The following TBK1 variants were observed in gnomAD, a reference collection of about 807,000 sequenced individuals.
The protein encoded by TBK1 is serine/threonine-protein kinase TBK1.
In TBK1, 37 loss-of-function variants were observed where a neutral mutation model predicts 99.9. The ratio of observed to expected loss-of-function variants is 0.37; its 90% CI spans 0.28 to 0.49. The LOEUF (loss-of-function observed/expected upper bound fraction) is 0.49, where lower values mean the gene tolerates loss of function less well. TBK1 is among the 20% of genes least tolerant of loss of function. The pLI, the probability that TBK1 is intolerant of heterozygous loss-of-function variation, is 0.98. For synonymous variants in TBK1, 258 were observed against 279.8 expected, an observed-to-expected ratio of 0.92 and a Z score of 0.78; for missense variants, 644 against 872.5, an observed-to-expected ratio of 0.74 and a Z score of 3.30.
chr12:64,470,472 A>G (rs1453930142), intron 5 of TBK1, among the ~76,000 whole-genome samples: 2 of 152,204 alleles, frequency 1.3e-5, no homozygotes, highest in African/African-American at 4.8e-5. Flanking sequence ...TCACATCACA[A>G]ATGGTAGTAT....
chr12:64,496,651 T>C (rs1233914758), intron 16 of TBK1, among the ~76,000 whole-genome samples: 1 of 152,192 alleles, frequency 6.6e-6, no homozygotes, highest in African/African-American at 2.4e-5. Context: ...AGCTTCTGCC[T>C]CATATGCTCT....
rs570187736 is a variant in TBK1 at position 64,455,353 on chromosome 12, A to G, written c.-31-487A>G. ...GTATGTATAGTGTATACTAACTTAC[A>G]GGGAAAAAATGTAAACAAAATGAAG... On this transcript the variant is annotated intron_variant, in intron 1 of 20. Transcript: ENST00000331710. 3.3e-5 allele frequency among the ~76,000 whole-genome samples: 5 copies of G among 152,318 alleles called. No homozygotes were observed. The East Asian group carries it at 9.6e-4, about 29-fold the overall frequency.
At chr12:64,485,385 T>A (rs11175411) in intron 9 of TBK1, 70 bp from the exon 10 acceptor site, 3 of 670,116 alleles carry the variant, frequency 4.5e-6, no homozygotes, top group East Asian at 6.3e-5. Context: ...ACATTGTGTT[T>A]GCTCTATAAA....
chr12:64,466,787 C>T (rs1399170770), intron 4 of TBK1, 114 bp from the exon 5 acceptor site: 2 of 756,582 alleles, frequency 2.6e-6, no homozygotes, highest in African/African-American at 3.7e-5. Context: ...TACTTTGAAC[C>T]AAATTATGGA....
chr12:64,491,359 A>G (rs544320715), intron 13 of TBK1, among the ~76,000 whole-genome samples: 35 of 152,138 alleles, frequency 2.3e-4, no homozygotes, highest in African/African-American at 8.4e-4. Flanking sequence ...GGTGGCTCAC[A>G]CCTCTAATCC....
In TBK1 at chr12:64,496,373, C is replaced by G. The variant is rs767446906; in HGVS notation, c.1727C>G (p.Ala576Gly). ...FKKDKAERRL[A>G]YNEEQIHKFD... ...TATATTTTCCTATTTCTAGGATTAGCTTATAATGAAGAACAAATCCACAAA... is the reference window on the plus strand; with the variant it reads ...TATATTTTCCTATTTCTAGGATTAGGTTATAATGAAGAACAAATCCACAAA... The change falls in exon 16 of 21, where the codon GCT becomes GGT. Residue 576 changes from alanine to glycine, a missense_variant. Around this residue, in one of 3 missense-constraint regions of TBK1, gnomAD observed 465 missense variants for 588.0 expected, o/e 0.79. Transcript: ENST00000331710. The G allele has an allele frequency of 5.0e-6, 6 of 1,202,914 alleles. No individual in the cohort carries two copies. The highest frequency in any genetic ancestry group is 7.0e-6 in the Non-Finnish European group (6 of 853,446). 74.5% of individuals were successfully genotyped at this position (1,202,914 alleles called of 1,614,324 possible).
chr12:64,485,519 TATTTA>T lies in TBK1; in HGVS notation c.1248+15_1248+19del. On this transcript the variant is annotated splice_region_variant and intron_variant, in intron 10 of 20. Transcript: ENST00000331710. ...GGGATGCTAGCATGGCTAAGGTTAGTATTTAATTTAATTACTATGTAAACATCTGA... is the reference window on the plus strand; with the variant it reads ...GGGATGCTAGCATGGCTAAGGTTAGTATTTAATTACTATGTAAACATCTGA... The T allele has an allele frequency of 2.7e-6, 4 of 1,476,904 alleles. 1 individual carries two copies. The highest frequency in any genetic ancestry group is 1.2e-5 in the South Asian group (1 of 81,132). The allele number at this position is 1,476,904 out of a possible 1,614,324, so 91.5% of individuals were successfully genotyped here. A position where few individuals can be genotyped will look rare whatever the true frequency, so the allele number is the denominator to read the frequency against.
intron 5 of TBK1, among the ~76,000 whole-genome samples, chr12:64,469,308 G>A (rs1387585679): frequency 6.6e-6 from 1 of 151,884 alleles, no homozygotes; most frequent in Non-Finnish European, 1.5e-5. Flanking sequence ...CACAAAACCA[G>A]GGACTTTCAT....
intron 6 of TBK1, among the ~76,000 whole-genome samples, chr12:64,479,023 A>G (rs753091478): frequency 1.1e-4 from 16 of 152,260 alleles, no homozygotes; most frequent in Non-Finnish European, 2.1e-4. Context: ...TTATTAGCAC[A>G]GAAACTCAAC....
intron 6 of TBK1, among the ~76,000 whole-genome samples, chr12:64,479,748 A>C (rs1389177241): frequency 6.6e-6 from 1 of 152,188 alleles, no homozygotes; most frequent in East Asian, 1.9e-4. Context: ...TTTGTTGTGA[A>C]CATCAAGATG....
At chr12:64,496,539 A>G in intron 16 of TBK1, 133 bp downstream of exon 16, 1 of 515,988 alleles carries the variant, frequency 1.9e-6, no homozygotes, top group South Asian at 3.0e-5. Context: ...CAGGATTGTT[A>G]CAATATGTAG....
At chr12:64,461,430 GTTTATACTC>G (rs1231698605) in intron 3 of TBK1, among the ~76,000 whole-genome samples, 1 of 152,080 alleles carries the variant, frequency 6.6e-6, no homozygotes, top group Non-Finnish European at 1.5e-5. Flanking sequence ...AAAAAATGTA[GTTTATACTC>G]TTTATCCGAG....
At chr12:64,480,305 T>G (rs1466130235) in intron 7 of TBK1, among the ~76,000 whole-genome samples, 183 bp downstream of exon 7, 1 of 152,230 alleles carries the variant, frequency 6.6e-6, no homozygotes, top group African/African-American at 2.4e-5. Context: ...TATTCTCTGC[T>G]ATATGAATAA....
chr12:64,481,892 A>G lies in TBK1; in HGVS notation c.863A>G (p.Asp288Gly). The G allele has an allele frequency of 6.2e-7, 1 of 1,610,590 alleles. No homozygotes were observed. Among genetic ancestry groups the G allele is most frequent in the Non-Finnish European group, 8.5e-7 (1 of 1,178,588 alleles). ...TPVLANILEA[D>G]QEKCWGFDQF... ...GTTCTTGCAAACATCCTTGAAGCAG[A>G]TCAGGAAAAGTGTTGGGGTTTTGAC... Residue 288 changes from aspartate to glycine, a missense_variant, in exon 8 of 21, where the codon GAT becomes GGT. Coordinates refer to ENST00000331710, the MANE Select transcript of TBK1 (RefSeq NM_013254.4).
At chr12:64,494,204 G>C (rs2040901333) in intron 13 of TBK1, among the ~76,000 whole-genome samples, 1 of 151,858 alleles carries the variant, frequency 6.6e-6, no homozygotes, top group Non-Finnish European at 1.5e-5. Context: ...GCTCATACCT[G>C]TAATCCCAGC....
chr12:64,457,988 G>C lies in TBK1; in HGVS notation c.87+2031G>C, dbSNP rs975427563. Among the ~76,000 whole-genome samples the C allele has an allele frequency of 2.0e-5, 3 of 152,162 alleles. No individual in the cohort carries two copies. The East Asian group carries it at 5.8e-4, about 29-fold the overall frequency. On this transcript the variant is annotated intron_variant, in intron 2 of 20. Transcript: ENST00000331710. ...AAGTCGAGCATGGTGGCTCACGCCTGTAATCCCAGCACTTTCGGAGGCCAA... is the reference window on the plus strand; with the variant it reads ...AAGTCGAGCATGGTGGCTCACGCCTCTAATCCCAGCACTTTCGGAGGCCAA...
intron 20 of TBK1, among the ~76,000 whole-genome samples, chr12:64,499,008 A>T (rs574181856): frequency 1.4e-5 from 2 of 143,156 alleles, no homozygotes; most frequent in East Asian, 4.1e-4. Context: ...TGTCAATTTC[A>T]ATTTTTGTTG....
At chr12:64,494,795 G>A (rs1314429807) in intron 13 of TBK1, among the ~76,000 whole-genome samples, 1 of 152,222 alleles carries the variant, frequency 6.6e-6, no homozygotes, top group South Asian at 2.1e-4. Flanking sequence ...GCTGACAAGA[G>A]TGTGGTTTAA....
intron 5 of TBK1, among the ~76,000 whole-genome samples, chr12:64,472,997 T>C (rs1180331804): frequency 1.3e-5 from 2 of 152,180 alleles, no homozygotes; most frequent in African/African-American, 2.4e-5. Context: ...TCTAGAGAAT[T>C]TAATTTCATT....
Sources: allele counts gnomAD v4.1 joint callset (sites outside exome capture counted in the v4.1 genomes callset), GRCh38; gene constraint gnomAD v4.1.1; regional missense constraint gnomAD v4.1.1; transcripts MANE v1.5; gene names NCBI Gene and HGNC (gene_info 2026-07-23, HGNC 2026-07-21).